Variants in TBC1D1 observed in about 807,000 individuals in gnomAD.
TBC1D1 encodes TBC1 (tre-2/USP6, BUB2, cdc16) domain family, member 1.
A neutral mutation model predicts 125.6 loss-of-function variants in TBC1D1; 89 were observed. That is an observed-to-expected ratio of 0.71 (90% CI 0.60 to 0.85). TBC1D1 has a LOEUF of 0.85. Ranked by LOEUF, TBC1D1 falls within the 40% of genes least tolerant of loss-of-function variation. The pLI is 0.00. For synonymous variants in TBC1D1, 565 were observed against 564.1 expected, an observed-to-expected ratio of 1.00 and a Z score of -0.02; for missense variants, 1,377 against 1,469.2, an observed-to-expected ratio of 0.94 and a Z score of 1.03.
chr4:37,991,631 C>CT (rs35297661), intron 2 of TBC1D1, among the ~76,000 whole-genome samples: 36,426 of 131,366 alleles, frequency 0.28, 4,461 homozygotes, highest in East Asian at 0.46. Flanking sequence ...GCTCTTCTCT[C>CT]TCTTTTTTTT....
chr4:37,925,496 T>C (rs1721892478), intron 2 of TBC1D1, among the ~76,000 whole-genome samples: 2 of 151,952 alleles, frequency 1.3e-5, no homozygotes, highest in African/African-American at 2.4e-5. Context: ...GGTGGGGGGA[T>C]CATGAGGTCA....
chr4:37,990,295 T>G (rs947492174), intron 2 of TBC1D1, among the ~76,000 whole-genome samples: 47 of 151,460 alleles, frequency 3.1e-4, no homozygotes, highest in African/African-American at 1.1e-3. Flanking sequence ...CAAAAAAGAT[T>G]CATCAACTTT....
At chr4:38,081,794 C>T (rs1407611504) in intron 12 of TBC1D1, among the ~76,000 whole-genome samples, 1 of 152,054 alleles carries the variant, frequency 6.6e-6, no homozygotes. Flanking sequence ...GAGGGGTGGT[C>T]GAGGAGCTTG....
intron 10 of TBC1D1, among the ~76,000 whole-genome samples, chr4:38,047,656 C>T (rs1236926132): frequency 6.6e-6 from 1 of 151,996 alleles, no homozygotes; most frequent in Admixed American, 6.6e-5. Flanking sequence ...CAGCATCAAG[C>T]AGAGTGTGGT....
chr4:38,075,558 C>T (rs1755446086), intron 12 of TBC1D1, among the ~76,000 whole-genome samples: 1 of 152,214 alleles, frequency 6.6e-6, no homozygotes, highest in Admixed American at 6.5e-5. Context: ...ATCTTGAGGA[C>T]TTCCCCATCC....
intron 6 of TBC1D1, 80 bp from the exon 7 acceptor site, chr4:38,027,708 A>G (rs781685927): frequency 1.0e-5 from 7 of 702,848 alleles, no homozygotes; most frequent in Middle Eastern, 3.6e-4. Context: ...TGTGAAGGGG[A>G]TGTGTGTGGA....
At chr4:38,080,909 G>C (rs1756431102) in intron 12 of TBC1D1, among the ~76,000 whole-genome samples, 1 of 152,148 alleles carries the variant, frequency 6.6e-6, no homozygotes, top group Non-Finnish European at 1.5e-5. Context: ...AACACCTTAT[G>C]ATATGTTTCT....
intron 11 of TBC1D1, 105 bp from the exon 13 acceptor site, chr4:38,053,001 C>A: frequency 2.4e-6 from 2 of 830,888 alleles, no homozygotes; most frequent in East Asian, 3.4e-5. Context: ...GTTTTCTTTT[C>A]TTAGCATTAG....
At chr4:38,082,354 C>G (rs1756720958) in intron 12 of TBC1D1, among the ~76,000 whole-genome samples, 1 of 152,108 alleles carries the variant, frequency 6.6e-6, no homozygotes, top group Non-Finnish European at 1.5e-5. Flanking sequence ...GCTTTTCCAC[C>G]CCACCATGTC....
intron 4 of TBC1D1, 111 bp from the exon 5 acceptor site, chr4:38,020,480 A>G (rs1743772601): frequency 5.8e-6 from 5 of 860,990 alleles, no homozygotes; most frequent in African/African-American, 1.7e-5. Context: ...TTCCATCTCA[A>G]AAAGATAATA....
chr4:38,069,379 C>G (rs555223278), intron 12 of TBC1D1, among the ~76,000 whole-genome samples: 1 of 152,246 alleles, frequency 6.6e-6, no homozygotes, highest in South Asian at 2.1e-4. Flanking sequence ...TCTGGGAACG[C>G]TCAGGAAGCA....
intron 2 of TBC1D1, among the ~76,000 whole-genome samples, chr4:38,011,217 G>C (rs533830250): frequency 6.6e-6 from 1 of 152,002 alleles, no homozygotes; most frequent in African/African-American, 2.4e-5. Flanking sequence ...GCCGGGTGTG[G>C]TGGTGCATGC....
Position 38,137,404 on chromosome 4 carries a change from G to A in TBC1D1, c.*69G>A, listed in dbSNP as rs187612705. ...GCCTTAACTGAGAGGGACAGAAGAC[G>A]CTGGAAGGAGAGAAGGAAGCGGGAA... On this transcript the variant is annotated 3_prime_UTR_variant, in exon 20 of 20. Transcript: ENST00000261439. The A allele has an allele frequency of 1.6e-5, 22 of 1,364,052 alleles. No homozygotes were observed. In the South Asian group the frequency reaches 2.7e-4, roughly 17 times the overall value. The allele number at this position is 1,364,052 out of a possible 1,614,324, so 84.5% of individuals were successfully genotyped here.
At chr4:38,027,287 C>T (rs1745252093) in intron 6 of TBC1D1, among the ~76,000 whole-genome samples, 1 of 152,156 alleles carries the variant, frequency 6.6e-6, no homozygotes, top group Non-Finnish European at 1.5e-5. Context: ...CACATCAGAG[C>T]TCAGAAGATG....
intron 2 of TBC1D1, among the ~76,000 whole-genome samples, chr4:38,002,064 T>C (rs1414823971): frequency 6.6e-6 from 1 of 152,192 alleles, no homozygotes; most frequent in African/African-American, 2.4e-5. Flanking sequence ...CTTCAGTCCC[T>C]GGGATGTGCT....
intron 12 of TBC1D1, among the ~76,000 whole-genome samples, chr4:38,088,869 T>A (rs1757976643): frequency 6.6e-6 from 1 of 152,194 alleles, no homozygotes; most frequent in Non-Finnish European, 1.5e-5. Flanking sequence ...GAACCTGCCC[T>A]ATTAAGTGCA....
chr4:38,088,121 T>A (rs1757848735), intron 12 of TBC1D1, among the ~76,000 whole-genome samples: 1 of 151,752 alleles, frequency 6.6e-6, no homozygotes, highest in South Asian at 2.1e-4. Flanking sequence ...GCTGCAGTGT[T>A]CCACAGAATT....
chr4:38,030,173 G>T (rs147474923), intron 7 of TBC1D1, among the ~76,000 whole-genome samples: 277 of 152,298 alleles, frequency 1.8e-3, no homozygotes, highest in Admixed American at 5.4e-3. Flanking sequence ...ATCAGTATAG[G>T]TAATACACAA....
chr4:38,132,617 TA>T (rs1765773320), intron 18 of TBC1D1: 1 of 166,718 alleles, frequency 6.0e-6, no homozygotes, highest in African/African-American at 2.4e-5. Flanking sequence ...GCTGTTCTTG[TA>T]ACTCTGAAAA....
Sources: gnomAD v4.1 joint callset for allele counts (sites outside exome capture counted in the v4.1 genomes callset) on GRCh38, gnomAD v4.1.1 for gene constraint, MANE v1.5 for transcripts, NCBI Gene and HGNC (gene_info 2026-07-23, HGNC 2026-07-21) for gene names.